Variants in TNS1 observed in about 807,000 individuals in gnomAD.
TNS1 encodes the protein tensin 1.
A neutral mutation model predicts 168.6 loss-of-function variants in TNS1; 62 were observed. That is an observed-to-expected ratio of 0.37 (90% CI 0.30 to 0.45). TNS1 has a LOEUF of 0.45. Among genes scored for constraint, TNS1 ranks in the 20% least tolerant of loss-of-function variants. TNS1 has a pLI of 1.00. For synonymous variants in TNS1, 934 were observed against 933.2 expected, an observed-to-expected ratio of 1.00 and a Z score of -0.02; for missense variants, 2,240 against 2,339.4, an observed-to-expected ratio of 0.96 and a Z score of 0.88.
rs1249831499 is a variant in TNS1 at position 217,819,046 on chromosome 2, A to G, written c.3573-287T>C. Among the ~76,000 whole-genome samples, 2 of 152,170 alleles carry G rather than the reference A, an allele frequency of 1.3e-5. 1 individual carries two copies. Among genetic ancestry groups the G allele is most frequent in the Middle Eastern group, 6.3e-3 (2 of 316 alleles). On this transcript the variant is annotated intron_variant, in intron 23 of 32. Transcript: ENST00000682258. ...AAGCCCACGTCTTCCCCACTGCACC[A>G]TGCTCACTCCTGAGCCATGTCAAAG...
At chr2:217,809,792 C>T (rs1242728709) in intron 30 of TNS1, 31 bp downstream of exon 30, 13 of 1,598,812 alleles carry the variant, frequency 8.1e-6, no homozygotes, top group Non-Finnish European at 1.0e-5. Flanking sequence ...GGAAGGAGAA[C>T]CCCACCGAGG....
chr2:217,810,090 A>C, intron 29 of TNS1, 99 bp from the exon 30 acceptor site: 1 of 1,494,888 alleles, frequency 6.7e-7, no homozygotes, highest in South Asian at 1.2e-5. Flanking sequence ...GATAAATTTC[A>C]GGCTAGCCTT....
At chr2:218,010,294 G>C (rs1263414807) in exon 1 of TNS1, 4 of 397,372 alleles carry the variant, frequency 1.0e-5, no homozygotes, top group South Asian at 1.3e-4. Flanking sequence ...GTAGGAAGGC[G>C]GGCGCCCTGC....
intron 6 of TNS1, chr2:217,903,810 G>C: frequency 1.8e-6 from 1 of 544,966 alleles, no homozygotes; most frequent in Non-Finnish European, 3.2e-6. Context: ...CTACTGGGTG[G>C]CTCAAGGTCT....
intron 29 of TNS1, 21 bp from the exon 30 acceptor site, chr2:217,810,012 GGGGAGTCAT>G (rs769030777): frequency 6.2e-7 from 1 of 1,608,082 alleles, no homozygotes; most frequent in Non-Finnish European, 8.5e-7. Flanking sequence ...CCAACCCAAG[GGGGAGTCAT>G]GGGAGCTGGC....
intron 3 of TNS1, among the ~76,000 whole-genome samples, chr2:217,977,629 C>G (rs1033107229): frequency 2.6e-5 from 4 of 151,868 alleles, no homozygotes; most frequent in Non-Finnish European, 4.4e-5. Flanking sequence ...CATACATTAC[C>G]TCATTGAATT....
intron 12 of TNS1, among the ~76,000 whole-genome samples, chr2:217,888,517 T>C (rs1386000452): frequency 6.6e-6 from 1 of 152,202 alleles, no homozygotes. Context: ...TTTGGCTGCA[T>C]CCTCACCCAA....
rs1440583113 is a variant in TNS1 at position 217,995,366 on chromosome 2, G to A, written c.34-4310C>T. On this transcript the variant is annotated intron_variant, in intron 1 of 32. Coordinates refer to ENST00000682258, the MANE Select transcript of TNS1 (RefSeq NM_001387777.1). This position sits in a 1 kb window ranked among gnomAD's most constrained non-coding sequence, Gnocchi z 4.1. ...GAACAGTTATTGTAAGTAGGCACCA[G>A]ACATCATCTGAAGTTCAGAAGGCAA... Among the ~76,000 whole-genome samples, 3 of 152,108 alleles carry A rather than the reference G, an allele frequency of 2.0e-5. No individual in the cohort carries two copies. Among genetic ancestry groups the A allele is most frequent in the Non-Finnish European group, 4.4e-5 (3 of 68,026 alleles).
At chr2:217,943,983 A>C (rs944841221) in intron 3 of TNS1, 1 of 153,326 alleles carries the variant, frequency 6.5e-6, no homozygotes, top group Non-Finnish European at 1.5e-5. Flanking sequence ...GGTTTCCCCC[A>C]GAAGAAGGCA....
At chr2:217,935,569 G>C (rs1423360099) in intron 3 of TNS1, among the ~76,000 whole-genome samples, 1 of 152,146 alleles carries the variant, frequency 6.6e-6, no homozygotes. Context: ...CATGTGTGGT[G>C]GTGGAAGCAG....
rs149842125 is a variant in TNS1 at position 217,965,692 on chromosome 2, G to A, written c.186+13073C>T. Among the ~76,000 whole-genome samples the A allele has an allele frequency of 4.7e-3, 713 of 152,308 alleles. 3 individuals are homozygous for A. The highest frequency in any genetic ancestry group is 0.017 in the African/African-American group (687 of 41,558). On this transcript the variant is annotated intron_variant, in intron 3 of 32. Transcript: ENST00000682258. ...AAGGAGCTGCTACTCACCACTGCCA[G>A]GCTCACCACACCCCGGGAGGCGGCC...
upstream of TNS1, among the ~76,000 whole-genome samples, chr2:218,013,646 G>A (rs1046988795): frequency 1.3e-5 from 2 of 152,108 alleles, no homozygotes; most frequent in African/African-American, 4.8e-5. Context: ...GCCCTCTCCA[G>A]GCTCCCACAA....
chr2:217,836,200 G>A lies in TNS1; in HGVS notation c.3019C>T (p.Arg1007Trp), dbSNP rs1328320319. The change falls in exon 20 of 33, where the codon CGG becomes TGG. Residue 1007 changes from arginine (R) to tryptophan (W), a missense_variant. Transcript: ENST00000682258. ...GGGGGCTCTGCAGGCTGCTTCTCCCGAGCCTGTACCCCTGGGAGGAAAGCA... is the reference window on the plus strand; with the variant it reads ...GGGGGCTCTGCAGGCTGCTTCTCCCAAGCCTGTACCCCTGGGAGGAAAGCA... ...VAHRVAGVQA[R>W]EKQPAEPPAP... 50 of 1,610,134 alleles carry A rather than the reference G, an allele frequency of 3.1e-5. No individual in the cohort carries two copies. The highest frequency in any genetic ancestry group is 3.8e-4 in the Middle Eastern group (2 of 5,286).
chr2:217,925,979 A>T (rs964734647), intron 3 of TNS1, among the ~76,000 whole-genome samples: 1 of 152,248 alleles, frequency 6.6e-6, no homozygotes, highest in Non-Finnish European at 1.5e-5. Context: ...AACCCTCAGT[A>T]GCCTCAGAAT....
Position 217,847,721 on chromosome 2 carries a change from C to T in TNS1, c.2796G>A (p.Gln932=). 6.2e-7 allele frequency: 1 copy of T among 1,606,040 alleles called. No homozygotes were observed. The highest frequency in any genetic ancestry group is 8.5e-7 in the Non-Finnish European group (1 of 1,173,506). Residue 932 remains glutamine, a synonymous_variant, in exon 19 of 33, where the codon CAG becomes CAA. Transcript: ENST00000682258. The part of the protein sequence containing the change: ...DYQPCLAGPN[Q]DFHSKSPASS... ...AGGCTGGGCTCTTTGAATGGAAATC[C>T]TGGTTAGGCCCAGCCAAACATGGCT... is the stretch of plus-strand genomic sequence containing the variant.
intron 24 of TNS1, 26 bp from the exon 25 acceptor site, chr2:217,815,024 G>A (rs529695350): frequency 1.9e-6 from 3 of 1,586,246 alleles, no homozygotes; most frequent in Non-Finnish European, 1.7e-6. Context: ...GGAAGAAAGT[G>A]TTATGGGTTA....
intron 30 of TNS1, 128 bp from the exon 31 acceptor site, chr2:217,808,799 T>G: frequency 1.3e-6 from 1 of 791,476 alleles, no homozygotes. Context: ...ACTTCTCTCT[T>G]ATGAGCAAGA....
intron 3 of TNS1, among the ~76,000 whole-genome samples, chr2:217,922,819 CT>C (rs969930859): frequency 6.6e-6 from 1 of 152,248 alleles, no homozygotes; most frequent in African/African-American, 2.4e-5. Context: ...TTGGTGCCCC[CT>C]CGTGGCCTGC....
At chr2:217,826,397 T>C (rs772727235) in intron 22 of TNS1, among the ~76,000 whole-genome samples, 2 of 152,100 alleles carry the variant, frequency 1.3e-5, no homozygotes, top group Non-Finnish European at 2.9e-5. Context: ...CAGGACAATA[T>C]ACTTCTACTT....
Sources: allele counts gnomAD v4.1 joint callset (sites outside exome capture counted in the v4.1 genomes callset), GRCh38; gene constraint gnomAD v4.1.1; non-coding constraint Gnocchi (gnomAD v3.1); transcripts MANE v1.5; gene names NCBI Gene and HGNC (gene_info 2026-07-23, HGNC 2026-07-21).